The following BRD4 variants were observed in gnomAD, a reference collection of about 807,000 sequenced individuals.
BRD4 encodes the protein bromodomain containing 4.
In BRD4, 16 loss-of-function variants were observed where a neutral mutation model predicts 142.1. The observed-to-expected ratio is 0.11, with a 90% CI of 0.08 to 0.17. The LOEUF (loss-of-function observed/expected upper bound fraction) is 0.17. Ranked by LOEUF, BRD4 falls within the 10% of genes least tolerant of loss-of-function variation. The pLI is 1.00. For synonymous variants in BRD4, 833 were observed against 707.5 expected (o/e 1.18, Z -2.82); for missense variants, 1,424 against 1,810.9 (o/e 0.79, Z 3.88).
intron 11 of BRD4, chr19:15,247,290 C>T (rs1568379710): frequency 4.3e-6 from 1 of 232,450 alleles, no homozygotes; most frequent in Non-Finnish European, 8.5e-6. Flanking sequence ...CCTCAGGACC[C>T]ACAGCCAGCT....
intron 1 of BRD4, among the ~76,000 whole-genome samples, chr19:15,300,569 CAAAA>C (rs2047859004): frequency 1.3e-5 from 2 of 151,140 alleles, no homozygotes; most frequent in South Asian, 2.1e-4. Context: ...AAAACAAAAA[CAAAA>C]AATCAAACAA....
At chr19:15,329,830 ATT>A (rs1298489316) in intron 1 of BRD4, among the ~76,000 whole-genome samples, 1 of 152,232 alleles carries the variant, frequency 6.6e-6, no homozygotes, top group Admixed American at 6.5e-5. Flanking sequence ...ACAAGAAAAT[ATT>A]GTTACCCCCA....
At chr19:15,289,408 G>A (rs934390990) in intron 1 of BRD4, among the ~76,000 whole-genome samples, 4 of 152,054 alleles carry the variant, frequency 2.6e-5, no homozygotes, top group Non-Finnish European at 4.4e-5. Flanking sequence ...AAAATTGGCC[G>A]GGCATGGTGG....
intron 1 of BRD4, among the ~76,000 whole-genome samples, chr19:15,281,583 G>C (rs948210549): frequency 5.9e-5 from 9 of 152,214 alleles, no homozygotes; most frequent in African/African-American, 2.2e-4. Context: ...AGTGGCTCAG[G>C]TACAGTGAAA....
At chr19:15,315,802 G>A (rs926512097) in intron 1 of BRD4, among the ~76,000 whole-genome samples, 1 of 151,478 alleles carries the variant, frequency 6.6e-6, no homozygotes. Flanking sequence ...GCTGCAGTGA[G>A]CTGAGATCAC....
chr19:15,270,669 A>G (rs1462361752), intron 2 of BRD4, among the ~76,000 whole-genome samples: 1 of 152,186 alleles, frequency 6.6e-6, no homozygotes, highest in Non-Finnish European at 1.5e-5. Context: ...GGGCCATGAT[A>G]GGAGATCAAA....
At chr19:15,306,657 G>A (rs1335892532) in intron 1 of BRD4, among the ~76,000 whole-genome samples, 5 of 152,076 alleles carry the variant, frequency 3.3e-5, no homozygotes, top group Non-Finnish European at 4.4e-5. Flanking sequence ...GTTATTAACC[G>A]GCCTAATTTT....
intron 1 of BRD4, among the ~76,000 whole-genome samples, chr19:15,289,309 T>C (rs1423997725): frequency 6.6e-6 from 1 of 152,114 alleles, no homozygotes; most frequent in South Asian, 2.1e-4. Context: ...CCCAGCACTT[T>C]GGGAGGCCGA....
intron 1 of BRD4, among the ~76,000 whole-genome samples, chr19:15,297,345 G>A (rs982832812): frequency 1.3e-5 from 2 of 152,102 alleles, no homozygotes; most frequent in African/African-American, 2.4e-5. Context: ...CTTGAGAGCC[G>A]CTGCTAAGAA....
At chr19:15,272,085 G>A (rs1450723989) in intron 2 of BRD4, among the ~76,000 whole-genome samples, 3 of 152,118 alleles carry the variant, frequency 2.0e-5, no homozygotes, top group Non-Finnish European at 4.4e-5. Context: ...AAAAACTGAA[G>A]CATTTATTCC....
intron 1 of BRD4, among the ~76,000 whole-genome samples, chr19:15,299,360 T>C (rs1206480505): frequency 1.3e-5 from 2 of 152,202 alleles, no homozygotes; most frequent in Non-Finnish European, 2.9e-5. Context: ...TATGTGCTCA[T>C]ATACCCATCA....
chr19:15,251,932 A>C (rs113033778), intron 11 of BRD4, among the ~76,000 whole-genome samples: 6,960 of 152,318 alleles, frequency 0.046, 213 homozygotes, highest in Middle Eastern at 0.088. Context: ...ATGAGCGGCC[A>C]GGGCTGGACC....
intron 1 of BRD4, among the ~76,000 whole-genome samples, chr19:15,277,006 AGGCAGT>A (rs987048208): frequency 6.6e-6 from 1 of 152,054 alleles, no homozygotes; most frequent in Non-Finnish European, 1.5e-5. Context: ...GGGGTCAGGC[AGGCAGT>A]GGCAAGAGAA....
At chr19:15,290,926 AAAAAG>A (rs2047777071) in intron 1 of BRD4, among the ~76,000 whole-genome samples, 1 of 152,190 alleles carries the variant, frequency 6.6e-6, no homozygotes, top group African/African-American at 2.4e-5. Context: ...TTCATAAATG[AAAAAG>A]AAAAGAAAAA....
At chr19:15,309,577 G>A (rs1389746787) in intron 1 of BRD4, among the ~76,000 whole-genome samples, 1 of 152,106 alleles carries the variant, frequency 6.6e-6, no homozygotes, top group African/African-American at 2.4e-5. Context: ...TATGCCAAGA[G>A]AAAGGGAAAC....
At chr19:15,330,230 C>G (rs1296633348) in intron 1 of BRD4, among the ~76,000 whole-genome samples, 1 of 152,136 alleles carries the variant, frequency 6.6e-6, no homozygotes. Context: ...CCAGTTTGAG[C>G]CTTTAAGATA....
At chr19:15,253,709 T>C (rs760034397) in intron 11 of BRD4, 1 of 1,598,276 alleles carries the variant, frequency 6.3e-7, no homozygotes, top group Non-Finnish European at 8.5e-7. Context: ...AGCATCTCCC[T>C]GAAGCGGCCG....
At chr19:15,254,130 C>A in intron 11 of BRD4, 22 bp downstream of exon 11, 1 of 1,596,856 alleles carries the variant, frequency 6.3e-7, no homozygotes, top group East Asian at 2.2e-5. Context: ...TGGTAAGACA[C>A]GTAGAACACA....
chr19:15,273,125 C>G lies in BRD4; in HGVS notation c.-26G>C, dbSNP rs2047607939. The G allele has an allele frequency of 6.4e-7, 1 of 1,558,922 alleles. No homozygotes were observed. The highest frequency in any genetic ancestry group is 1.8e-5 in the Admixed American group (1 of 55,106). ...GCTAGTGATCCCATCACATTCTTCA[C>G]CAGGCACTCTACAAAGGAAGAGAAG... On this transcript the variant is annotated 5_prime_UTR_variant, in exon 2 of 20. Transcript: ENST00000679869.
Sources: gnomAD v4.1 joint callset for allele counts (sites outside exome capture counted in the v4.1 genomes callset) on GRCh38, gnomAD v4.1.1 for gene constraint, MANE v1.5 for transcripts, NCBI Gene and HGNC (gene_info 2026-07-23, HGNC 2026-07-21) for gene names.